CDK17: variants seen among roughly 807,000 people sequenced by gnomAD.
CDK17 encodes the protein cyclin dependent kinase 17.
Under a neutral mutation model 77.6 loss-of-function variants are expected in CDK17, and 24 were observed. The ratio of observed to expected loss-of-function variants is 0.31; its 90% CI spans 0.22 to 0.44. CDK17 has a LOEUF of 0.44. Among genes scored for constraint, CDK17 ranks in the 20% least tolerant of loss-of-function variants. The pLI is 1.00. For missense variants in CDK17, 429 were observed against 622.5 expected, an observed-to-expected ratio of 0.69 and a Z score of 3.31; for synonymous variants, 203 against 210.4, an observed-to-expected ratio of 0.96 and a Z score of 0.30.
chr12:96,339,876 A>G (rs1592738712), intron 1 of CDK17, among the ~76,000 whole-genome samples: 1 of 152,048 alleles, frequency 6.6e-6, no homozygotes, highest in Non-Finnish European at 1.5e-5. Context: ...GCAGTGAGCT[A>G]GGATCGTGTC....
chr12:96,293,796 C>T (rs1029683133), intron 10 of CDK17, among the ~76,000 whole-genome samples: 7 of 152,120 alleles, frequency 4.6e-5, no homozygotes, highest in African/African-American at 1.2e-4. Context: ...ATTGAAAAAT[C>T]GTGTTTGTTA....
intron 1 of CDK17, among the ~76,000 whole-genome samples, chr12:96,348,534 AAAAAAAAAC>A (rs1565830693): frequency 2.6e-5 from 4 of 151,196 alleles, no homozygotes; most frequent in African/African-American, 9.7e-5. Context: ...AAAAAAAAAA[AAAAAAAAAC>A]AAAAAAGAAA....
At position 96,323,972 on chromosome 12, in the gene CDK17, T is replaced by G. The variant is rs370313291; in HGVS notation, c.259A>C (p.Met87Leu). The G allele has an allele frequency of 1.3e-6, 2 of 1,598,038 alleles. No individual in the cohort carries two copies. The highest frequency in any genetic ancestry group is 1.7e-6 in the Non-Finnish European group (2 of 1,172,922). The change falls in exon 3 of 17, where the codon ATG (methionine) becomes CTG (leucine). Residue 87 changes from methionine (M) to leucine (L), a missense_variant. Met to Leu is a conservative substitution (Grantham distance 15). Transcript: ENST00000261211. The part of the protein sequence containing the change: ...IGGSLGSFMA[M>L]PRNGSRLDIV... ...CCTAATCTGCTTCCATTTCTGGGCA[T>G]TGCCATGAAGGAGCCAAGGCTCCCT...
chr12:96,303,271 C>T (rs1952533087), intron 5 of CDK17: 1 of 152,034 alleles, frequency 6.6e-6, no homozygotes, highest in Non-Finnish European at 1.5e-5. Context: ...AGCCTGAGTT[C>T]CATCCTAGAT....
At chr12:96,381,217 T>C (rs986980145) in intron 1 of CDK17, among the ~76,000 whole-genome samples, 2 of 152,210 alleles carry the variant, frequency 1.3e-5, no homozygotes, top group Non-Finnish European at 2.9e-5. Context: ...TGGAAATCCA[T>C]ATAGATAACA....
Position 96,280,883 on chromosome 12 carries a change from C to T in CDK17, c.1459G>A (p.Val487Ile). 6.2e-7 allele frequency: 1 copy of T among 1,611,844 alleles called. No homozygotes were observed. Among genetic ancestry groups the T allele is most frequent in the Non-Finnish European group, 8.5e-7 (1 of 1,179,040 alleles). ...ATCTCTTTCAAACTGAATATTGATA[C>T]ACCTAAAATGCATAGACAAAAATTA... ...GPRIHALPESVSIFSLKEIQL... is the reference protein window; with the variant it reads ...GPRIHALPESISIFSLKEIQL... Residue 487 changes from valine (V) to isoleucine (I), a missense_variant and splice_region_variant, in exon 16 of 17, where the codon GTA becomes ATA. Coordinates refer to ENST00000261211, the MANE Select transcript of CDK17 (RefSeq NM_002595.5).
intron 2 of CDK17, among the ~76,000 whole-genome samples, chr12:96,333,322 A>G (rs1338176753): frequency 1.3e-5 from 2 of 152,074 alleles, no homozygotes; most frequent in Non-Finnish European, 2.9e-5. Flanking sequence ...CCAAATTATT[A>G]TATTAAATTT....
At chr12:96,389,498 A>G (rs1954033467) in intron 1 of CDK17, among the ~76,000 whole-genome samples, 1 of 152,216 alleles carries the variant, frequency 6.6e-6, no homozygotes, top group Non-Finnish European at 1.5e-5. Context: ...AATGGAAATG[A>G]TATCTGGAGA....
chr12:96,329,854 C>T (rs1439096057), intron 2 of CDK17, among the ~76,000 whole-genome samples: 1 of 152,190 alleles, frequency 6.6e-6, no homozygotes, highest in Non-Finnish European at 1.5e-5. Context: ...CCAAACTTGA[C>T]AAATTGCTCC....
At chr12:96,386,766 C>T (rs998200150) in intron 1 of CDK17, 4 of 152,232 alleles carry the variant, frequency 2.6e-5, no homozygotes, top group Non-Finnish European at 5.9e-5. Context: ...TTGACATAAG[C>T]GAAGAAAACC....
chr12:96,346,593 A>G (rs1471455056), intron 1 of CDK17, among the ~76,000 whole-genome samples: 1 of 149,452 alleles, frequency 6.7e-6, no homozygotes, highest in Non-Finnish European at 1.5e-5. Context: ...CCACCACTGC[A>G]CTCCAGCCTG....
intron 1 of CDK17, among the ~76,000 whole-genome samples, chr12:96,348,538 A>C (rs1565830717): frequency 3.3e-5 from 5 of 151,114 alleles, no homozygotes; most frequent in African/African-American, 7.2e-5. Context: ...AAAAAAAAAA[A>C]AAAACAAAAA....
At chr12:96,290,322 AT>A (rs1356347624) in intron 10 of CDK17, among the ~76,000 whole-genome samples, 2 of 152,254 alleles carry the variant, frequency 1.3e-5, no homozygotes, top group Non-Finnish European at 2.9e-5. Flanking sequence ...TTTAAAAAAT[AT>A]CTGGAAAATT....
intron 1 of CDK17, among the ~76,000 whole-genome samples, chr12:96,338,771 GTTT>G (rs34576077): frequency 6.8e-6 from 1 of 146,522 alleles, no homozygotes; most frequent in Non-Finnish European, 1.5e-5. Flanking sequence ...AGCCACTAAG[GTTT>G]TTTTTTTTTT....
intron 5 of CDK17, among the ~76,000 whole-genome samples, chr12:96,300,638 C>CT (rs1006819647): frequency 2.0e-5 from 3 of 152,180 alleles, no homozygotes; most frequent in Non-Finnish European, 4.4e-5. Flanking sequence ...CTCAAGTGAT[C>CT]TGCCTGCCTT....
chr12:96,295,281 T>C (rs1044029204), intron 9 of CDK17, 159 bp from the exon 10 acceptor site: 3 of 472,622 alleles, frequency 6.3e-6, no homozygotes, highest in South Asian at 4.4e-5. Flanking sequence ...CTTTTATATA[T>C]AGTGGCTTTC....
At position 96,280,283 on chromosome 12, in the gene CDK17, A is replaced by C. The variant is rs961181946; in HGVS notation, c.1535-4T>G. The C allele has an allele frequency of 7.1e-6, 11 of 1,550,608 alleles. No individual in the cohort carries two copies. The highest frequency in any genetic ancestry group is 2.7e-5 in the African/African-American group (2 of 72,990). Reference sequence around the variant, plus strand: ...TGTCTTCTGTTCTTCCCATGTCCTAAAATATAAAGTCATTTTATGAGGCAG... The same window carrying C: ...TGTCTTCTGTTCTTCCCATGTCCTACAATATAAAGTCATTTTATGAGGCAG... On this transcript the variant is annotated splice_region_variant and splice_polypyrimidine_tract_variant and intron_variant, in intron 16 of 16. Transcript: ENST00000261211.
intron 5 of CDK17, among the ~76,000 whole-genome samples, chr12:96,309,468 C>T (rs1471762561): frequency 6.6e-6 from 1 of 152,182 alleles, no homozygotes; most frequent in Non-Finnish European, 1.5e-5. Context: ...AAACAATCAC[C>T]TGAATTTACA....
intron 1 of CDK17, among the ~76,000 whole-genome samples, chr12:96,394,476 A>AT (rs886357477): frequency 8.5e-5 from 13 of 152,096 alleles, no homozygotes; most frequent in African/African-American, 3.1e-4. Flanking sequence ...TCTTGAACAT[A>AT]TTTACACTAA....
Sources: gnomAD v4.1 joint callset for allele counts (sites outside exome capture counted in the v4.1 genomes callset) on GRCh38, gnomAD v4.1.1 for gene constraint, MANE v1.5 for transcripts, NCBI Gene and HGNC (gene_info 2026-07-23, HGNC 2026-07-21) for gene names.